Variants in MYO3B observed in about 807,000 individuals in gnomAD.
MYO3B encodes myosin-IIIb.
In MYO3B, 156 loss-of-function variants were observed where a neutral mutation model predicts 174.6. The ratio of observed to expected loss-of-function variants is 0.89; its 90% CI spans 0.78 to 1.02. The LOEUF (loss-of-function observed/expected upper bound fraction) is 1.02. Among genes scored for constraint, MYO3B ranks in the 50% least tolerant of loss-of-function variants. The pLI is 0.00. For missense variants in MYO3B, 1,632 were observed against 1,639.4 expected, an observed-to-expected ratio of 1.00 and a Z score of 0.08; for synonymous variants, 563 against 569.1, an observed-to-expected ratio of 0.99 and a Z score of 0.15.
chr2:170,540,409 G>A (rs1393740618), intron 30 of MYO3B, among the ~76,000 whole-genome samples: 1 of 152,022 alleles, frequency 6.6e-6, no homozygotes, highest in Non-Finnish European at 1.5e-5. Flanking sequence ...CATGCAATAA[G>A]CATTGGCTTT....
chr2:170,508,245 G>A (rs966112067), intron 28 of MYO3B, among the ~76,000 whole-genome samples: 4 of 152,128 alleles, frequency 2.6e-5, no homozygotes, highest in African/African-American at 9.7e-5. Context: ...GCAAAGAAGT[G>A]GTGCCTGAAA....
In MYO3B at chr2:170,404,441, A is replaced by C. The variant is rs781202360; in HGVS notation, c.2431+41A>C. The C allele has an allele frequency of 2.6e-6, 4 of 1,553,954 alleles. No individual in the cohort carries two copies. In the East Asian group the frequency reaches 9.1e-5, roughly 35 times the overall value. On this transcript the variant is annotated intron_variant, in intron 20 of 34. Coordinates refer to ENST00000408978, the MANE Select transcript of MYO3B (RefSeq NM_138995.5). Reference sequence around the variant, plus strand: ...GAAACAGGCATATACATTTAGAACAAAACTTGGCTTGTGTCATCAATTGAG... The same window carrying C: ...GAAACAGGCATATACATTTAGAACACAACTTGGCTTGTGTCATCAATTGAG...
rs143495900 is a variant in MYO3B at position 170,383,473 on chromosome 2, C to T, written c.1186-237C>T. The stretch of plus-strand genomic sequence containing the variant: ...TGTGGGACAGGTACTGTTGTTAAAC[C>T]TAGTTGGCAGACAGGGAGACTTAGC... On this transcript the variant is annotated intron_variant, in intron 11 of 34. Transcript: ENST00000408978. Among the ~76,000 whole-genome samples, 619 of 152,252 alleles carry T rather than the reference C, an allele frequency of 4.1e-3. 3 individuals are homozygous for T. The highest frequency in any genetic ancestry group is 0.013 in the African/African-American group (554 of 41,538).
At chr2:170,477,795 T>A (rs1247355120) in intron 25 of MYO3B, among the ~76,000 whole-genome samples, 1 of 151,170 alleles carries the variant, frequency 6.6e-6, no homozygotes, top group Non-Finnish European at 1.5e-5. Flanking sequence ...GGCGGGGAAT[T>A]ACCCAAGATG....
chr2:170,609,203 T>A (rs937876016), intron 32 of MYO3B, among the ~76,000 whole-genome samples: 2 of 152,158 alleles, frequency 1.3e-5, no homozygotes, highest in East Asian at 3.8e-4. Flanking sequence ...TAATGAGAAA[T>A]AGATGCCTCA....
intron 8 of MYO3B, among the ~76,000 whole-genome samples, chr2:170,342,663 A>G (rs1293295786): frequency 6.6e-6 from 1 of 152,182 alleles, no homozygotes; most frequent in African/African-American, 2.4e-5. Flanking sequence ...TAATTAACAT[A>G]TATAACTCTT....
At chr2:170,629,604 C>T (rs1432057650) in intron 32 of MYO3B, among the ~76,000 whole-genome samples, 2 of 152,214 alleles carry the variant, frequency 1.3e-5, no homozygotes, top group African/African-American at 4.8e-5. Context: ...AATCCTAACA[C>T]TTTGGGAGGC....
chr2:170,548,106 C>CAAAA (rs10532249), intron 32 of MYO3B, among the ~76,000 whole-genome samples: 7 of 51,718 alleles, frequency 1.4e-4, no homozygotes, highest in African/African-American at 5.9e-4. Context: ...GACTCCGTCT[C>CAAAA]AAAAAAAAAA....
chr2:170,627,764 T>TAACA (rs761268195), intron 32 of MYO3B, among the ~76,000 whole-genome samples: 9 of 151,896 alleles, frequency 5.9e-5, no homozygotes, highest in African/African-American at 1.7e-4. Context: ...GTTTTCCTTC[T>TAACA]AACAGTCAGG....
At chr2:170,347,094 C>T (rs1386791958) in intron 8 of MYO3B, among the ~76,000 whole-genome samples, 2 of 152,086 alleles carry the variant, frequency 1.3e-5, no homozygotes, top group African/African-American at 2.4e-5. Flanking sequence ...CTAAAAATAC[C>T]TGAGAGCTAA....
intron 16 of MYO3B, among the ~76,000 whole-genome samples, chr2:170,395,296 T>A (rs1293792884): frequency 6.6e-6 from 1 of 152,202 alleles, no homozygotes; most frequent in Non-Finnish European, 1.5e-5. Context: ...CTATTTTTGT[T>A]TAAAATTATA....
chr2:170,401,802 C>CTTTTTTTTTTTTTTTTTTTTT lies in MYO3B; in HGVS notation c.2129+126_2129+127insTTTTTTTTTTTTTTTTTTTTT, dbSNP rs769531863. ...CCTCTCTGGGATTTTCTTTCTTTTT[C>CTTTTTTTTTTTTTTTTTTTTT]TTTTTTTTTTTTTTTGTGGAGTCAG... On this transcript the variant is annotated intron_variant, in intron 18 of 34. Coordinates refer to ENST00000408978, the MANE Select transcript of MYO3B (RefSeq NM_138995.5). 5.2e-6 allele frequency: 3 copies of CTTTTTTTTTTTTTTTTTTTTT among 580,826 alleles called. No individual in the cohort carries two copies. In the African/African-American group the frequency reaches 6.3e-5, roughly 12 times the overall value. The allele number at this position is 580,826 out of a possible 1,614,324, so 36.0% of individuals were successfully genotyped here. A position where few individuals can be genotyped will look rare whatever the true frequency, so the allele number is the denominator to read the frequency against.
At chr2:170,215,917 C>T (rs1294964700) in intron 5 of MYO3B, among the ~76,000 whole-genome samples, 1 of 152,130 alleles carries the variant, frequency 6.6e-6, no homozygotes, top group Admixed American at 6.5e-5. Flanking sequence ...AGCAGCTTTG[C>T]GATTTGACAT....
intron 28 of MYO3B, 23 bp downstream of exon 28, chr2:170,501,888 A>G (rs745672801): frequency 1.4e-6 from 2 of 1,472,324 alleles, no homozygotes; most frequent in African/African-American, 1.4e-5. Context: ...TCATTTTCAC[A>G]GTGTCCACTT....
intron 7 of MYO3B, among the ~76,000 whole-genome samples, chr2:170,293,770 A>C (rs2093611127): frequency 6.6e-6 from 1 of 151,010 alleles, no homozygotes; most frequent in South Asian, 2.1e-4. Flanking sequence ...CTTTCTTTAG[A>C]GTTTTAGCTG....
At position 170,498,656 on chromosome 2, in the gene MYO3B, A is replaced by G. The variant is rs1158116709; in HGVS notation, c.3079A>G (p.Ile1027Val). 1.5e-5 allele frequency: 24 copies of G among 1,614,112 alleles called. No homozygotes were observed. Among genetic ancestry groups the G allele is most frequent in the Non-Finnish European group, 1.9e-5 (23 of 1,179,956 alleles). The change falls in exon 26 of 35, where the codon ATC becomes GTC. Residue 1027 changes from isoleucine (I) to valine (V), a missense_variant. By Grantham distance (29) the Ile-to-Val change is conservative. Transcript: ENST00000408978. ...PLASKESCVAILEKSRLDHWV... is the reference protein window; with the variant it reads ...PLASKESCVAVLEKSRLDHWV... Reference sequence around the variant, plus strand: ...TGCTAGCAAAGAGAGCTGTGTGGCTATCTTGGAAAAGTCCAGATTAGATCA... The same window carrying G: ...TGCTAGCAAAGAGAGCTGTGTGGCTGTCTTGGAAAAGTCCAGATTAGATCA...
chr2:170,538,944 A>T (rs988257210), intron 30 of MYO3B, among the ~76,000 whole-genome samples: 4 of 152,082 alleles, frequency 2.6e-5, no homozygotes, highest in Non-Finnish European at 5.9e-5. Context: ...GTTATTTGTT[A>T]AAAAAAATTT....
chr2:170,214,314 T>C, intron 3 of MYO3B, 65 bp from the exon 4 acceptor site: 1 of 1,374,992 alleles, frequency 7.3e-7, no homozygotes, highest in Non-Finnish European at 1.0e-6. Flanking sequence ...TTTCTTAATT[T>C]CTTTTTCTTT....
chr2:170,201,266 C>T (rs941655094), intron 3 of MYO3B, among the ~76,000 whole-genome samples: 3 of 152,204 alleles, frequency 2.0e-5, no homozygotes, highest in Non-Finnish European at 4.4e-5. Flanking sequence ...TAGGACAGGT[C>T]TATCGCCACA....
Sources: allele counts gnomAD v4.1 joint callset (sites outside exome capture counted in the v4.1 genomes callset), GRCh38; gene constraint gnomAD v4.1.1; transcripts MANE v1.5; gene names NCBI Gene and HGNC (gene_info 2026-07-23, HGNC 2026-07-21).